PIR: variants seen among roughly 807,000 people sequenced by gnomAD.
The protein encoded by PIR is pirin.
In PIR, 22 loss-of-function variants were observed where a neutral mutation model predicts 24.2. The observed-to-expected ratio is 0.91, with a 90% CI of 0.65 to 1.30. PIR has a LOEUF of 1.30. PIR is among the 50% of genes most tolerant of loss of function. The pLI is 0.00. For missense variants in PIR, 220 were observed against 220.3 expected, an observed-to-expected ratio of 1.00 and a Z score of 0.01; for synonymous variants, 80 against 79.6, an observed-to-expected ratio of 1.00 and a Z score of -0.03.
At chrX:15,491,885 G>A (rs1025802427) in intron 1 of PIR, among the ~76,000 whole-genome samples, 11 of 110,714 alleles carry the variant, frequency 9.9e-5, no homozygotes, top group East Asian at 2.8e-4. Context: ...CTTGCACAAC[G>A]ACAAAATCAC....
chrX:15,394,330 G>C (rs1470948443), intron 8 of PIR, among the ~76,000 whole-genome samples: 1 of 112,070 alleles, frequency 8.9e-6, no homozygotes, highest in Non-Finnish European at 1.9e-5. Context: ...AGTTTTAACA[G>C]GATGTTTTGT....
At chrX:15,486,539 T>A (rs1442309344) in intron 2 of PIR, among the ~76,000 whole-genome samples, 3 of 111,453 alleles carry the variant, frequency 2.7e-5, no homozygotes. Context: ...TTGTTTTAGG[T>A]CCATGGCATC....
intron 8 of PIR, among the ~76,000 whole-genome samples, chrX:15,391,536 C>T (rs771674414): frequency 2.7e-5 from 3 of 112,010 alleles, no homozygotes; most frequent in East Asian, 2.8e-4. Context: ...CAAAATCATA[C>T]GTATATCATA....
At chrX:15,410,785 C>T (rs989012722) in intron 6 of PIR, among the ~76,000 whole-genome samples, 3 of 112,203 alleles carry the variant, frequency 2.7e-5, no homozygotes, top group Non-Finnish European at 1.9e-5. Context: ...TTGGAAAGCA[C>T]AGAGTGTTAG....
intron 3 of PIR, among the ~76,000 whole-genome samples, chrX:15,476,967 T>TATA (rs760847643): frequency 8.9e-6 from 1 of 111,816 alleles, no homozygotes; most frequent in Non-Finnish European, 1.9e-5. Context: ...ATGCTTATAG[T>TATA]ATAATACTAA....
At chrX:15,417,759 A>C (rs891862408) in intron 6 of PIR, among the ~76,000 whole-genome samples, 2 of 110,848 alleles carry the variant, frequency 1.8e-5, no homozygotes, top group African/African-American at 6.6e-5. Context: ...TCCATTTTCA[A>C]AACCAGTAAT....
intron 9 of PIR, among the ~76,000 whole-genome samples, chrX:15,386,515 A>G (rs1199031139): frequency 8.9e-6 from 1 of 112,580 alleles, no homozygotes; most frequent in African/African-American, 3.2e-5. Flanking sequence ...CTCCTCAAGG[A>G]TTCAAATCTA....
chrX:15,434,933 G>A (rs180964842), intron 5 of PIR, among the ~76,000 whole-genome samples: 285 of 111,720 alleles, frequency 2.6e-3, no homozygotes, highest in African/African-American at 7.8e-3. Flanking sequence ...ATCTATGGCC[G>A]GGTACAGTGG....
At chrX:15,427,648 T>C (rs1925358449) in intron 5 of PIR, among the ~76,000 whole-genome samples, 1 of 109,837 alleles carries the variant, frequency 9.1e-6, no homozygotes, top group Non-Finnish European at 1.9e-5. Flanking sequence ...ACAGTAGATA[T>C]ATGTATATAT....
rs188591486 is a variant in PIR at position 15,488,970 on chromosome X, G to A, written c.96+2192C>T. Among the ~76,000 whole-genome samples the A allele has an allele frequency of 3.2e-3, 353 of 111,162 alleles. 1 individual carries two copies. The highest frequency in any genetic ancestry group is 0.01 in the African/African-American group (312 of 30,586). ...AAATTTAGCATTTTAACCATTTCAA[G>A]AGTACAGTTTTGTGGCATTAAATAT... On this transcript the variant is annotated intron_variant, in intron 2 of 9. Transcript: ENST00000380420.
Position 15,397,474 on chromosome X carries a change from CCTT to C in PIR, c.665_667del (p.Glu222del), listed in dbSNP as rs765420422. ...CTTGTTCTCCACCTGGACACTGTCA[CCTT>C]CTCCAAGCACTGCTGTGTGATGAGG... On this transcript the variant is annotated inframe_deletion, in exon 8 of 10. Coordinates refer to ENST00000380420, the MANE Select transcript of PIR (RefSeq NM_001018109.3). 3 of 1,203,889 alleles carry C rather than the reference CCTT, an allele frequency of 2.5e-6. No individual in the cohort carries two copies. Among genetic ancestry groups the C allele is most frequent in the East Asian group, 5.9e-5 (2 of 33,743 alleles).
At chrX:15,462,025 A>G (rs1175875212) in intron 3 of PIR, among the ~76,000 whole-genome samples, 2 of 111,755 alleles carry the variant, frequency 1.8e-5, no homozygotes, top group Admixed American at 9.5e-5. Context: ...CATTTTGTGT[A>G]GATAGAAAAA....
chrX:15,414,109 G>A (rs932037321), intron 6 of PIR, among the ~76,000 whole-genome samples: 8 of 112,177 alleles, frequency 7.1e-5, no homozygotes, highest in African/African-American at 1.9e-4. Flanking sequence ...AGCCTAGCCC[G>A]CTGGAGGGCA....
At chrX:15,471,938 C>T (rs1456997437) in intron 3 of PIR, among the ~76,000 whole-genome samples, 1 of 112,056 alleles carries the variant, frequency 8.9e-6, no homozygotes, top group African/African-American at 3.2e-5. Flanking sequence ...AAATCTCATG[C>T]GCCCCTCTAA....
rs1361734602 is a variant in PIR, at chrX:15,385,087, T to C, written c.790A>G (p.Ile264Val). Reference protein sequence around the residue: ...GPFVMNTNEEISQAILDFRNA... With the variant: ...GPFVMNTNEEVSQAILDFRNA... ...CTGAAATCAAGAATAGCTTGAGAAA[T>C]CTCTTCATTGGTGTTCATCACAAAT... is the stretch of plus-strand genomic sequence containing the variant. The change falls in exon 10 of 10, where the codon ATT becomes GTT. Residue 264 changes from isoleucine (I) to valine (V), a missense_variant. By Grantham distance (29) the Ile-to-Val change is conservative (BLOSUM62 3). Coordinates refer to ENST00000380420, the MANE Select transcript of PIR (RefSeq NM_001018109.3). 2.5e-6 allele frequency: 3 copies of C among 1,182,281 alleles called. No homozygotes were observed. The highest frequency in any genetic ancestry group is 3.4e-6 in the Non-Finnish European group (3 of 870,932).
chrX:15,399,045 A>T (rs1924288680), intron 7 of PIR, among the ~76,000 whole-genome samples: 2 of 111,607 alleles, frequency 1.8e-5, no homozygotes, highest in Admixed American at 1.9e-4. Flanking sequence ...AAAGTGCACC[A>T]CAGAAGGCTG....
Position 15,413,260 on chromosome X carries a change from G to C in PIR, c.566-5710C>G, listed in dbSNP as rs1160329021. Among the ~76,000 whole-genome samples the C allele has an allele frequency of 2.7e-5, 3 of 111,754 alleles. No homozygotes were observed. In the East Asian group the frequency reaches 8.4e-4, roughly 31 times the overall value. On this transcript the variant is annotated intron_variant, in intron 6 of 9. Transcript: ENST00000380420. The stretch of plus-strand genomic sequence containing the variant: ...TCTGATGAGGCTGTGACCCAGGCCA[G>C]AGAAGGGTCATTGCTATGGAGATGG...
At chrX:15,446,985 G>C (rs182027945) in intron 5 of PIR, among the ~76,000 whole-genome samples, 281 of 112,398 alleles carry the variant, frequency 2.5e-3, no homozygotes, top group African/African-American at 7.8e-3. Context: ...CAATGATTTA[G>C]AGCTCATTTG....
intron 6 of PIR, among the ~76,000 whole-genome samples, chrX:15,414,717 A>C (rs1229836202): frequency 9.0e-6 from 1 of 111,490 alleles, no homozygotes; most frequent in East Asian, 2.8e-4. Flanking sequence ...TTACAGACAG[A>C]GTCTCACTTT....
Sources: allele counts gnomAD v4.1 joint callset (sites outside exome capture counted in the v4.1 genomes callset), GRCh38; gene constraint gnomAD v4.1.1; transcripts MANE v1.5; gene names NCBI Gene and HGNC (gene_info 2026-07-23, HGNC 2026-07-21).